GOLM1: variants seen among roughly 807,000 people sequenced by gnomAD.
The protein encoded by GOLM1 is golgi membrane protein 1.
Under a neutral mutation model 50.5 loss-of-function variants are expected in GOLM1, and 31 were observed. The ratio of observed to expected loss-of-function variants is 0.61; its 90% CI spans 0.46 to 0.83. The LOEUF (loss-of-function observed/expected upper bound fraction) is 0.83. Ranked by LOEUF, GOLM1 falls within the 40% of genes least tolerant of loss-of-function variation. The pLI, the probability that GOLM1 is intolerant of heterozygous loss-of-function variation, is 0.00. For synonymous variants in GOLM1, 178 were observed against 192.8 expected, an observed-to-expected ratio of 0.92 and a Z score of 0.64; for missense variants, 491 against 501.3, an observed-to-expected ratio of 0.98 and a Z score of 0.20.
Position 86,095,550 on chromosome 9 carries a change from T to A in GOLM1, c.-22+3861A>T, listed in dbSNP as rs147417678. Among the ~76,000 whole-genome samples the A allele has an allele frequency of 3.5e-3, 529 of 152,234 alleles. 2 individuals are homozygous for A. The highest frequency in any genetic ancestry group is 0.01 in the African/African-American group (432 of 41,540). On this transcript the variant is annotated intron_variant, in intron 1 of 9. Transcript: ENST00000388712. Reference sequence around the variant, plus strand: ...GGCATGAGCCAACGTGCCTGGCCAGTTTTTACATTTTCAATGGTTGAAGAA... The same window carrying A: ...GGCATGAGCCAACGTGCCTGGCCAGATTTTACATTTTCAATGGTTGAAGAA...
intron 1 of GOLM1, among the ~76,000 whole-genome samples, chr9:86,095,911 C>T (rs1035107465): frequency 1.3e-5 from 2 of 152,172 alleles, no homozygotes; most frequent in Non-Finnish European, 2.9e-5. Flanking sequence ...GGCAGTGTGG[C>T]TTAGGAAAAG....
chr9:86,076,575 A>C (rs1274952253), intron 3 of GOLM1, among the ~76,000 whole-genome samples: 3 of 151,758 alleles, frequency 2.0e-5, no homozygotes, highest in Admixed American at 1.3e-4. Context: ...TTCCTACATA[A>C]GAAAACCAGG....
At chr9:86,053,812 A>G (rs541316265) in intron 3 of GOLM1, among the ~76,000 whole-genome samples, 72 of 138,674 alleles carry the variant, frequency 5.2e-4, no homozygotes, top group African/African-American at 1.4e-3. Context: ...ACCATACACC[A>G]CACATCACAC....
rs751111239 is a variant in GOLM1 at position 86,033,328 on chromosome 9, C to T, written c.1083G>A (p.Glu361=). ...CTGCCAGGGCTGCTTGCTTGTCTGTCTCAGATTCTGCTTCATTTTCATCCA... is the reference window on the plus strand; with the variant it reads ...CTGCCAGGGCTGCTTGCTTGTCTGTTTCAGATTCTGCTTCATTTTCATCCA... ...YNMDENEAES[E]TDKQAALAGN... The change falls in exon 9 of 10, where the codon GAG becomes GAA. Residue 361 remains glutamate (E), a synonymous_variant. Transcript: ENST00000388712. 1.9e-6 allele frequency: 3 copies of T among 1,613,584 alleles called. No individual in the cohort carries two copies. The highest frequency in any genetic ancestry group is 2.2e-5 in the East Asian group (1 of 44,874).
Position 86,035,002 on chromosome 9 carries a change from T to G in GOLM1, c.1015+366A>C. The stretch of plus-strand genomic sequence containing the variant: ...CCTTCATTCATTCACTAGGCACTGA[T>G]TGTCTAAATGGCACCAGACACTGCA... On this transcript the variant is annotated intron_variant, in intron 8 of 9. Transcript: ENST00000388712. 5.1e-6 allele frequency: 5 copies of G among 985,104 alleles called. No homozygotes were observed. The South Asian group carries it at 2.4e-4, about 46-fold the overall frequency. The allele number at this position is 985,104 out of a possible 1,614,324, so 61.0% of individuals were successfully genotyped here. A position where few individuals can be genotyped will look rare whatever the true frequency, so the allele number is the denominator to read the frequency against.
At chr9:86,033,678 A>G (rs1833050556) in intron 8 of GOLM1, among the ~76,000 whole-genome samples, 1 of 152,166 alleles carries the variant, frequency 6.6e-6, no homozygotes, top group Non-Finnish European at 1.5e-5. Context: ...AATTTTTTAA[A>G]GAGATAATCA....
At chr9:86,082,900 C>T (rs1337871686) in intron 1 of GOLM1, among the ~76,000 whole-genome samples, 1 of 152,248 alleles carries the variant, frequency 6.6e-6, no homozygotes, top group Non-Finnish European at 1.5e-5. Flanking sequence ...CAAGATCACA[C>T]CATTCACACT....
At chr9:86,071,249 C>A (rs1274887728) in intron 3 of GOLM1, among the ~76,000 whole-genome samples, 2 of 152,148 alleles carry the variant, frequency 1.3e-5, no homozygotes, top group African/African-American at 2.4e-5. Flanking sequence ...AGGCATGCAA[C>A]AACCATTCCC....
intron 4 of GOLM1, 23 bp downstream of exon 4, chr9:86,052,514 G>T: frequency 6.2e-7 from 1 of 1,610,326 alleles, no homozygotes; most frequent in African/African-American, 1.3e-5. Context: ...AGTGCCTGGT[G>T]TGGAGGAGCG....
chr9:86,096,118 G>A (rs901867158), intron 1 of GOLM1, among the ~76,000 whole-genome samples: 1 of 150,880 alleles, frequency 6.6e-6, no homozygotes, highest in African/African-American at 2.4e-5. Context: ...ACCTTTTGTT[G>A]TGAGGATTAA....
intron 8 of GOLM1, chr9:86,034,999 T>C (rs1350873522): frequency 2.2e-5 from 22 of 984,990 alleles, no homozygotes; most frequent in Non-Finnish European, 2.3e-5. Flanking sequence ...CACTAGGCAC[T>C]GATTGTCTAA....
chr9:86,085,475 G>T (rs1025187100), intron 1 of GOLM1, among the ~76,000 whole-genome samples: 3 of 115,454 alleles, frequency 2.6e-5, no homozygotes, highest in Non-Finnish European at 3.8e-5. Context: ...TTTTTTGAAG[G>T]TTCTACTTTT....
intron 1 of GOLM1, among the ~76,000 whole-genome samples, chr9:86,097,455 AT>A (rs879761880): frequency 1.2e-3 from 175 of 150,010 alleles, no homozygotes; most frequent in African/African-American, 3.6e-3. Context: ...AGGGCAACTT[AT>A]TTTTTTTTTA....
intron 3 of GOLM1, among the ~76,000 whole-genome samples, chr9:86,064,409 G>T (rs1834246895): frequency 6.6e-6 from 1 of 152,102 alleles, no homozygotes; most frequent in Non-Finnish European, 1.5e-5. Flanking sequence ...GGGGCCTGTT[G>T]ATCCCTCCTC....
chr9:86,053,112 A>AACGC (rs1833823470), intron 3 of GOLM1, among the ~76,000 whole-genome samples: 1 of 131,802 alleles, frequency 7.6e-6, no homozygotes. Flanking sequence ...TCCACACCAC[A>AACGC]CACACCACAC....
At chr9:86,082,027 T>TTA in intron 1 of GOLM1, among the ~76,000 whole-genome samples, 1 of 122,228 alleles carries the variant, frequency 8.2e-6, no homozygotes, top group Non-Finnish European at 1.8e-5. Context: ...CTGGGACACT[T>TTA]TTTTTTTTTT....
intron 5 of GOLM1, among the ~76,000 whole-genome samples, chr9:86,042,775 C>T (rs966127818): frequency 1.2e-4 from 19 of 152,308 alleles, no homozygotes; most frequent in African/African-American, 4.1e-4. Context: ...AAATCAAGTA[C>T]GAAGAGCCTT....
chr9:86,078,897 T>C (rs967217317), intron 2 of GOLM1, among the ~76,000 whole-genome samples: 6 of 152,192 alleles, frequency 3.9e-5, no homozygotes, highest in African/African-American at 1.4e-4. Context: ...GCAAGCTGTC[T>C]TCCCAGAACC....
chr9:86,064,771 G>C (rs1162132915), intron 3 of GOLM1, among the ~76,000 whole-genome samples: 2 of 152,188 alleles, frequency 1.3e-5, no homozygotes, highest in African/African-American at 4.8e-5. Context: ...TAGACACTGT[G>C]GGGGACAGCG....
Sources: allele counts gnomAD v4.1 joint callset (sites outside exome capture counted in the v4.1 genomes callset), GRCh38; gene constraint gnomAD v4.1.1; transcripts MANE v1.5; gene names NCBI Gene and HGNC (gene_info 2026-07-23, HGNC 2026-07-21).